Variants in OTUD4 observed in about 807,000 individuals in gnomAD.
OTUD4 encodes the protein OTU domain-containing protein 4.
In OTUD4, 24 loss-of-function variants were observed where a neutral mutation model predicts 130.4. The observed-to-expected ratio is 0.18, with a 90% CI of 0.13 to 0.26. The LOEUF is 0.26. Among genes scored for constraint, OTUD4 ranks in the 10% least tolerant of loss-of-function variants. The pLI, the probability that OTUD4 is intolerant of heterozygous loss-of-function variation, is 1.00. For missense variants in OTUD4, 1,031 were observed against 1,329.4 expected (o/e 0.78, Z 3.49); for synonymous variants, 420 against 472.5 (o/e 0.89, Z 1.44).
chr4:145,179,760 C>T, intron 1 of OTUD4, 55 bp downstream of exon 1: 1 of 1,396,440 alleles, frequency 7.2e-7, no homozygotes, highest in Non-Finnish European at 9.5e-7. Context: ...CCCACCCAGA[C>T]CCGCCGGGCC....
intron 1 of OTUD4, among the ~76,000 whole-genome samples, chr4:145,176,371 TAATAGA>T (rs1752423689): frequency 6.6e-6 from 1 of 151,448 alleles, no homozygotes; most frequent in Non-Finnish European, 1.5e-5. Context: ...GAATTTATAT[TAATAGA>T]AAGTATCTTT....
At chr4:145,153,795 T>A (rs1751166126) in intron 10 of OTUD4, among the ~76,000 whole-genome samples, 1 of 152,238 alleles carries the variant, frequency 6.6e-6, no homozygotes, top group South Asian at 2.1e-4. Context: ...TATTTCATTC[T>A]TCATCAATGA....
intron 2 of OTUD4, 47 bp from the exon 3 acceptor site, chr4:145,171,767 A>C: frequency 2.3e-6 from 2 of 864,318 alleles, no homozygotes; most frequent in Non-Finnish European, 4.0e-6. Context: ...ATATATGCCA[A>C]AACAGTTAAC....
At position 145,137,922 on chromosome 4, in the gene OTUD4, A is replaced by G. The variant is rs765627063; in HGVS notation, c.2853T>C (p.Ala951=). ...TTCCCTCTGCTACAGGAGGGATGGA[A>G]GCCAATGCCGTATCTGCCTTTCGTG... ...SQTRKADTAL[A]SIPPVAEGKA... Residue 951 remains alanine (A), a synonymous_variant, in exon 21 of 21, where the codon GCT becomes GCC. Transcript: ENST00000447906. 2 of 1,614,156 alleles carry G rather than the reference A, an allele frequency of 1.2e-6. No individual in the cohort carries two copies. The highest frequency in any genetic ancestry group is 1.7e-6 in the Non-Finnish European group (2 of 1,180,036).
rs1752617211 is a variant in OTUD4, at chr4:145,179,989, G to A, written c.-16C>T. On this transcript the variant is annotated 5_prime_UTR_variant, in exon 1 of 21. Coordinates refer to ENST00000447906, the MANE Select transcript of OTUD4 (RefSeq NM_001366057.1). The stretch of plus-strand genomic sequence containing the variant: ...CAGCCTCCATGTTGCTGGTCCTGCT[G>A]CAGGCCAGGCGCGGCGAGGGCTAGC... 1 of 1,488,818 alleles carries A rather than the reference G, an allele frequency of 6.7e-7. No individual in the cohort carries two copies. The highest frequency in any genetic ancestry group is 2.7e-5 in the East Asian group (1 of 36,596). The allele number at this position is 1,488,818 out of a possible 1,614,324, so 92.2% of individuals were successfully genotyped here. A position where few individuals can be genotyped will look rare whatever the true frequency, so the allele number is the denominator to read the frequency against.
At chr4:145,146,948 A>G (rs1449237525) in intron 13 of OTUD4, among the ~76,000 whole-genome samples, 1 of 152,220 alleles carries the variant, frequency 6.6e-6, no homozygotes, top group East Asian at 1.9e-4. Context: ...ACAAAGCTGA[A>G]AAAGAAAAAC....
At chr4:145,176,080 G>A (rs1579295507) in intron 1 of OTUD4, among the ~76,000 whole-genome samples, 1 of 148,112 alleles carries the variant, frequency 6.8e-6, no homozygotes, top group African/African-American at 2.5e-5. Context: ...ATTTTTAGTA[G>A]AGACAGGGTT....
At chr4:145,142,997 CTT>C (rs1420318651) in intron 17 of OTUD4, among the ~76,000 whole-genome samples, 2 of 152,204 alleles carry the variant, frequency 1.3e-5, no homozygotes, top group Admixed American at 6.5e-5. Context: ...GCAGATAACT[CTT>C]TTAAATTTTG....
chr4:145,177,348 G>C (rs776206746), intron 1 of OTUD4, among the ~76,000 whole-genome samples: 1 of 152,200 alleles, frequency 6.6e-6, no homozygotes, highest in Non-Finnish European at 1.5e-5. Flanking sequence ...CAATCTATCT[G>C]AACCTGTTGC....
rs78247730 is a variant in OTUD4 at position 145,167,270 on chromosome 4, T to A, written c.295-2073A>T. Among the ~76,000 whole-genome samples the A allele has an allele frequency of 7.9e-3, 1,209 of 152,262 alleles. 19 individuals are homozygous for A. The highest frequency in any genetic ancestry group is 0.027 in the African/African-American group (1,137 of 41,556). On this transcript the variant is annotated intron_variant, in intron 3 of 20. Coordinates refer to ENST00000447906, the MANE Select transcript of OTUD4 (RefSeq NM_001366057.1). ...CCTTGAAAGGAAAGAAAAACTGAAA[T>A]AAGGAAAATATTTTAAACAATGTTT...
chr4:145,145,249 T>C (rs1006628831), intron 14 of OTUD4, among the ~76,000 whole-genome samples: 1 of 152,242 alleles, frequency 6.6e-6, no homozygotes, highest in Non-Finnish European at 1.5e-5. Context: ...ATTTATATAA[T>C]AACACATGAC....
intron 7 of OTUD4, among the ~76,000 whole-genome samples, chr4:145,158,917 CA>C (rs1327918838): frequency 6.6e-6 from 1 of 152,196 alleles, no homozygotes; most frequent in Non-Finnish European, 1.5e-5. Context: ...GTCAAGTTAG[CA>C]GGAAGCCATG....
At position 145,142,290 on chromosome 4, in the gene OTUD4, T is replaced by C. The variant is rs746301791; in HGVS notation, c.1728A>G (p.Leu576=). The C allele has an allele frequency of 2.5e-6, 4 of 1,613,722 alleles. No individual in the cohort carries two copies. The South Asian group carries it at 3.3e-5, about 13-fold the overall frequency. ...HVSLSNPAPL[L]VSPEVHLTPA... is the part of the protein sequence containing the mutation. ...GAGTTAGATGTACCTCTGGAGAAAC[T>C]AGAAGGGGAGCTGGATTTGACAAAG... Residue 576 remains leucine (L), a synonymous_variant, in exon 18 of 21, where the codon CTA becomes CTG. Transcript: ENST00000447906.
chr4:145,177,909 G>A (rs1331899009), intron 1 of OTUD4, among the ~76,000 whole-genome samples: 1 of 152,140 alleles, frequency 6.6e-6, no homozygotes, highest in Non-Finnish European at 1.5e-5. Context: ...CATTTTAAAA[G>A]GGAAGCCTGA....
chr4:145,156,070 C>T (rs1056002966), intron 7 of OTUD4, 74 bp from the exon 8 acceptor site: 7 of 1,203,066 alleles, frequency 5.8e-6, no homozygotes, highest in African/African-American at 3.0e-5. Flanking sequence ...CTCATCTAAA[C>T]GTCTTCAAAG....
chr4:145,165,812 C>T (rs536106101), intron 3 of OTUD4, among the ~76,000 whole-genome samples: 1 of 152,260 alleles, frequency 6.6e-6, no homozygotes, highest in South Asian at 2.1e-4. Context: ...GGCTATCCTC[C>T]AGCCTAGCCC....
intron 13 of OTUD4, among the ~76,000 whole-genome samples, chr4:145,147,614 C>A (rs1363372398): frequency 6.6e-6 from 1 of 152,128 alleles, no homozygotes; most frequent in Non-Finnish European, 1.5e-5. Flanking sequence ...GATATTCAGC[C>A]ACAGTATTTC....
chr4:145,174,539 A>C, intron 2 of OTUD4, 122 bp downstream of exon 2: 2 of 605,784 alleles, frequency 3.3e-6, no homozygotes, highest in Non-Finnish European at 6.0e-6. Context: ...AGTTTTTTTA[A>C]TAAGTGTTAT....
chr4:145,145,776 G>A (rs1253781677), intron 14 of OTUD4, among the ~76,000 whole-genome samples: 1 of 152,090 alleles, frequency 6.6e-6, no homozygotes, highest in East Asian at 1.9e-4. Context: ...TGAAGATAGA[G>A]AACACTTCTT....
Sources: allele counts gnomAD v4.1 joint callset (sites outside exome capture counted in the v4.1 genomes callset), GRCh38; gene constraint gnomAD v4.1.1; transcripts MANE v1.5; gene names NCBI Gene and HGNC (gene_info 2026-07-23, HGNC 2026-07-21).